Variants in SLC9C1 observed in about 807,000 individuals in gnomAD.
The protein encoded by SLC9C1 is solute carrier family 9 member C1, also known as sodium/hydrogen exchanger 10.
SLC9C1 carries 97 observed loss-of-function variants against 140.9 expected under a neutral mutation model. That is an observed-to-expected ratio of 0.69 (90% CI 0.58 to 0.82). The LOEUF (loss-of-function observed/expected upper bound fraction) is 0.82, where lower values mean the gene tolerates loss of function less well. Ranked by LOEUF, SLC9C1 falls within the 40% of genes least tolerant of loss-of-function variation. The pLI, the probability that SLC9C1 is intolerant of heterozygous loss-of-function variation, is 0.00. For missense variants in SLC9C1, 1,340 were observed against 1,389.3 expected (o/e 0.96, Z 0.56); for synonymous variants, 440 against 442.6 (o/e 0.99, Z 0.07).
chr3:112,232,723 G>A (rs543698830), intron 12 of SLC9C1, among the ~76,000 whole-genome samples: 1 of 152,244 alleles, frequency 6.6e-6, no homozygotes, highest in South Asian at 2.1e-4. Flanking sequence ...TGCAGCAGCT[G>A]TGAAGACCCC....
At position 112,256,909 on chromosome 3, in the gene SLC9C1, C is replaced by A. The variant is rs373052284; in HGVS notation, c.1197+6015G>T. The stretch of plus-strand genomic sequence containing the variant: ...TACAAAATTCATCAGCATTCTTATG[C>A]ACCACCACCAACCAAGCCAAGAGCC... On this transcript the variant is annotated intron_variant, in intron 10 of 28. Transcript: ENST00000305815. 5.3e-5 allele frequency among the ~76,000 whole-genome samples: 8 copies of A among 152,090 alleles called. 1 individual carries two copies. In the East Asian group the frequency reaches 1.3e-3, roughly 26 times the overall value.
At chr3:112,160,605 T>C (rs1267328985) in intron 26 of SLC9C1, among the ~76,000 whole-genome samples, 1 of 151,848 alleles carries the variant, frequency 6.6e-6, no homozygotes, top group Non-Finnish European at 1.5e-5. Context: ...GAACTCATCA[T>C]TTTTTATGGC....
chr3:112,159,736 C>A (rs945783847), intron 26 of SLC9C1, among the ~76,000 whole-genome samples: 20 of 152,134 alleles, frequency 1.3e-4, no homozygotes, highest in African/African-American at 4.8e-4. Flanking sequence ...TATCTGGGGA[C>A]TCTGATGTTT....
intron 20 of SLC9C1, among the ~76,000 whole-genome samples, chr3:112,183,529 G>A (rs1258270093): frequency 1.3e-5 from 2 of 151,074 alleles, no homozygotes; most frequent in Non-Finnish European, 2.9e-5. Context: ...GAGGGCCAGT[G>A]CTCAGCCGTC....
At chr3:112,272,053 G>C (rs1405288584) in intron 6 of SLC9C1, among the ~76,000 whole-genome samples, 1 of 152,086 alleles carries the variant, frequency 6.6e-6, no homozygotes, top group Non-Finnish European at 1.5e-5. Flanking sequence ...GGAAAACAGG[G>C]AGCCCAAGGC....
intron 10 of SLC9C1, among the ~76,000 whole-genome samples, chr3:112,250,543 T>C (rs1692948954): frequency 6.6e-6 from 1 of 151,684 alleles, no homozygotes. Flanking sequence ...TGTAAAAGTG[T>C]TCCTATTTCT....
chr3:112,185,842 G>T, intron 20 of SLC9C1: 1 of 1,586,862 alleles, frequency 6.3e-7, no homozygotes, highest in Admixed American at 1.7e-5. Flanking sequence ...TCGTAAGCAG[G>T]GCCCGGGACT....
chr3:112,187,082 T>TA (rs1415796453), intron 20 of SLC9C1, among the ~76,000 whole-genome samples: 1 of 152,196 alleles, frequency 6.6e-6, no homozygotes, highest in Non-Finnish European at 1.5e-5. Flanking sequence ...TTTATAGTGT[T>TA]ATGTTTAAGA....
intron 28 of SLC9C1, among the ~76,000 whole-genome samples, chr3:112,146,306 A>G (rs183685441): frequency 1.1e-4 from 17 of 151,728 alleles, no homozygotes; most frequent in African/African-American, 3.9e-4. Flanking sequence ...TTATGTCTTA[A>G]TTTTGTTCAG....
At chr3:112,253,828 T>G (rs772014288) in intron 10 of SLC9C1, among the ~76,000 whole-genome samples, 1 of 152,176 alleles carries the variant, frequency 6.6e-6, no homozygotes, top group South Asian at 2.1e-4. Flanking sequence ...GTAATGAATA[T>G]CATCAAGATT....
intron 15 of SLC9C1, among the ~76,000 whole-genome samples, chr3:112,216,732 T>C (rs145716843): frequency 0.021 from 3,157 of 152,222 alleles, 43 homozygotes; most frequent in Middle Eastern, 0.058. Context: ...TGTGGAGAAA[T>C]AGGAACACAT....
At chr3:112,206,802 C>T (rs1046244087) in intron 16 of SLC9C1, among the ~76,000 whole-genome samples, 1 of 150,124 alleles carries the variant, frequency 6.7e-6, no homozygotes, top group African/African-American at 2.5e-5. Context: ...ATCAGAACAC[C>T]TGGACACAGG....
intron 27 of SLC9C1, among the ~76,000 whole-genome samples, chr3:112,153,742 T>C (rs1258584609): frequency 6.6e-6 from 1 of 152,144 alleles, no homozygotes. Context: ...GGTTAAAAAA[T>C]TTGCCGAAGG....
chr3:112,224,158 C>T (rs1181915396), intron 13 of SLC9C1, among the ~76,000 whole-genome samples: 1 of 152,184 alleles, frequency 6.6e-6, no homozygotes, highest in African/African-American at 2.4e-5. Flanking sequence ...GTAGACCAGC[C>T]ACACAAACTT....
chr3:112,287,133 T>C (rs1227933190), intron 1 of SLC9C1, among the ~76,000 whole-genome samples: 1 of 152,150 alleles, frequency 6.6e-6, no homozygotes, highest in African/African-American at 2.4e-5. Flanking sequence ...TCTGAATCCA[T>C]CCAACTGTCT....
At chr3:112,163,923 C>A (rs1345417802) in intron 26 of SLC9C1, among the ~76,000 whole-genome samples, 1 of 152,074 alleles carries the variant, frequency 6.6e-6, no homozygotes, top group Non-Finnish European at 1.5e-5. Context: ...CTTTGTAGGT[C>A]ACTCAGGACT....
intron 26 of SLC9C1, among the ~76,000 whole-genome samples, chr3:112,164,912 T>G (rs1460058555): frequency 6.6e-6 from 1 of 152,234 alleles, no homozygotes; most frequent in African/African-American, 2.4e-5. Flanking sequence ...GGTACACCAA[T>G]CAGACGTAGA....
At position 112,213,224 on chromosome 3, in the gene SLC9C1, A is replaced by G. The variant is rs186758027; in HGVS notation, c.1790+4218T>C. Among the ~76,000 whole-genome samples the G allele has an allele frequency of 5.3e-5, 8 of 152,348 alleles. No individual in the cohort carries two copies. The East Asian group carries it at 1.5e-3, about 29-fold the overall frequency. ...GAAGGAAGTACTAAACATGGAAAGG[A>G]ACAACTGGTAGCAGCCACAGCAAAA... On this transcript the variant is annotated intron_variant, in intron 15 of 28. Coordinates refer to ENST00000305815, the MANE Select transcript of SLC9C1 (RefSeq NM_183061.3).
chr3:112,183,344 C>CTTTTTTTTTTTT (rs1159788975), intron 20 of SLC9C1, among the ~76,000 whole-genome samples: 6 of 20,956 alleles, frequency 2.9e-4, no homozygotes, highest in Non-Finnish European at 4.1e-4. Flanking sequence ...TATTTAGCAC[C>CTTTTTTTTTTTT]TTTTCTTTTT....
Sources: gnomAD v4.1 joint callset for allele counts (sites outside exome capture counted in the v4.1 genomes callset) on GRCh38, gnomAD v4.1.1 for gene constraint, MANE v1.5 for transcripts, NCBI Gene and HGNC (gene_info 2026-07-23, HGNC 2026-07-21) for gene names.